RBFOX1: variants seen among roughly 807,000 people sequenced by gnomAD.
RBFOX1 encodes the protein RNA binding protein fox-1 homolog 1.
Under a neutral mutation model 57.7 loss-of-function variants are expected in RBFOX1, and 8 were observed. The ratio of observed to expected loss-of-function variants is 0.14; its 90% CI spans 0.08 to 0.25. RBFOX1 has a LOEUF of 0.25. Among genes scored for constraint, RBFOX1 ranks in the 10% least tolerant of loss-of-function variants. The pLI, the probability that RBFOX1 is intolerant of heterozygous loss-of-function variation, is 1.00. For missense variants in RBFOX1, 611 were observed against 548.5 expected (o/e 1.11, Z -1.14); for synonymous variants, 326 against 222.4 (o/e 1.47, Z -4.15).
intron 1 of RBFOX1, among the ~76,000 whole-genome samples, chr16:5,409,791 G>T (rs561058): frequency 0.93 from 141,301 of 152,258 alleles, 65,728 homozygotes; most frequent in East Asian, 1. Context: ...GGCTCACACC[G>T]GTAATCCCAG....
intron 1 of RBFOX1, among the ~76,000 whole-genome samples, chr16:6,158,417 C>T (rs952868531): frequency 2.6e-5 from 4 of 152,134 alleles, no homozygotes; most frequent in African/African-American, 9.7e-5. Context: ...CCAGTCTCGC[C>T]GTGCCTGTGA....
At chr16:6,562,880 C>CTTTCTTTTTTTTTTT (rs746999419) in intron 2 of RBFOX1, among the ~76,000 whole-genome samples, 3 of 51,778 alleles carry the variant, frequency 5.8e-5, no homozygotes, top group East Asian at 9.1e-4. Context: ...TTCTTTCTTT[C>CTTTCTTTTTTTTTTT]TTTTTTTTTT....
chr16:6,011,373 G>A (rs113824639), intron 4 of RBFOX1, among the ~76,000 whole-genome samples: 2,635 of 147,280 alleles, frequency 0.018, 80 homozygotes, highest in African/African-American at 0.062. Context: ...TTTACAGAGT[G>A]TTTTTTTTTT....
In RBFOX1 at chr16:7,634,561, A is replaced by T. The variant is rs529323278; in HGVS notation, c.757+3878A>T. Among the ~76,000 whole-genome samples the T allele has an allele frequency of 7.2e-5, 11 of 152,300 alleles. No individual in the cohort carries two copies. The South Asian group carries it at 2.3e-3, about 32-fold the overall frequency. On this transcript the variant is annotated intron_variant, in intron 11 of 15. Transcript: ENST00000550418. ...ATCTGCTTTTGATATGCATTTTTGC[A>T]TAACAGTGAGGTTTTCTCCCCCATT...
intron 3 of RBFOX1, among the ~76,000 whole-genome samples, chr16:5,852,793 G>A (rs539890551): frequency 1.3e-5 from 2 of 152,152 alleles, no homozygotes; most frequent in East Asian, 3.9e-4. Flanking sequence ...TTGTACCACT[G>A]CTCTCCAGCC....
chr16:5,649,761 A>C lies in RBFOX1; in HGVS notation c.318+50800A>C, dbSNP rs537852960. ...CACAAATTGAAGGCCATCATGTACA[A>C]CTCGCTGTTTTCACTCAACAACTGC... On this transcript the variant is annotated intron_variant, in intron 3 of 19. Coordinates refer to the RBFOX1 transcript ENST00000641259. 2.0e-5 allele frequency among the ~76,000 whole-genome samples: 3 copies of C among 152,256 alleles called. No homozygotes were observed. The South Asian group carries it at 6.2e-4, about 32-fold the overall frequency.
chr16:5,864,322 A>G (rs1329302607), intron 3 of RBFOX1, among the ~76,000 whole-genome samples: 2 of 152,192 alleles, frequency 1.3e-5, no homozygotes, highest in Non-Finnish European at 2.9e-5. Context: ...TTAAACGTAT[A>G]TTTAATTTTA....
intron 11 of RBFOX1, among the ~76,000 whole-genome samples, chr16:7,637,622 G>T (rs866969401): frequency 6.6e-6 from 1 of 152,116 alleles, no homozygotes; most frequent in Non-Finnish European, 1.5e-5. Context: ...CAGTGGGCTG[G>T]ACTCAGTTAC....
intron 4 of RBFOX1, among the ~76,000 whole-genome samples, chr16:7,219,008 GAGA>G (rs1463547442): frequency 3.3e-5 from 5 of 152,186 alleles, no homozygotes; most frequent in South Asian, 2.1e-4. Flanking sequence ...GTGGTCACAA[GAGA>G]AGAAGAGGTG....
At chr16:7,034,971 C>G (rs993706016) in intron 3 of RBFOX1, among the ~76,000 whole-genome samples, 4 of 150,040 alleles carry the variant, frequency 2.7e-5, no homozygotes, top group African/African-American at 4.9e-5. Context: ...TCCTCAGCCT[C>G]TGAGTAGCTG....
At chr16:7,244,437 T>A (rs2094206108) in intron 4 of RBFOX1, among the ~76,000 whole-genome samples, 1 of 152,204 alleles carries the variant, frequency 6.6e-6, no homozygotes, top group African/African-American at 2.4e-5. Context: ...TTGTCATTTC[T>A]TGTCATATTG....
intron 1 of RBFOX1, among the ~76,000 whole-genome samples, chr16:6,298,217 C>A (rs1352191591): frequency 6.6e-6 from 1 of 152,146 alleles, no homozygotes; most frequent in African/African-American, 2.4e-5. Flanking sequence ...TGAGCCACAC[C>A]CCTGTCTCAT....
intron 4 of RBFOX1, among the ~76,000 whole-genome samples, chr16:7,191,836 C>G (rs2085466674): frequency 2.0e-5 from 3 of 152,156 alleles, no homozygotes; most frequent in African/African-American, 2.4e-5. Context: ...GCGAAAGAGT[C>G]CGTTTGGTTT....
chr16:6,407,688 A>C (rs925158265), intron 2 of RBFOX1, among the ~76,000 whole-genome samples: 1 of 152,086 alleles, frequency 6.6e-6, no homozygotes, highest in Non-Finnish European at 1.5e-5. Flanking sequence ...ATTAAACAAA[A>C]ATATCTTGAA....
chr16:7,628,577 A>AGGT (rs1335188283), intron 10 of RBFOX1, among the ~76,000 whole-genome samples: 4 of 152,186 alleles, frequency 2.6e-5, no homozygotes, highest in African/African-American at 9.6e-5. Flanking sequence ...ACCTGAGGCG[A>AGGT]GGTTAAACCA....
intron 1 of RBFOX1, among the ~76,000 whole-genome samples, chr16:5,440,996 T>C (rs1215158200): frequency 6.6e-6 from 1 of 152,182 alleles, no homozygotes; most frequent in Non-Finnish European, 1.5e-5. Context: ...TATGTATACA[T>C]TTTAATGGAA....
chr16:5,529,692 G>A (rs955534790), intron 2 of RBFOX1, among the ~76,000 whole-genome samples: 2 of 151,532 alleles, frequency 1.3e-5, no homozygotes, highest in African/African-American at 2.4e-5. Flanking sequence ...TCACCATCCC[G>A]ATTAGCTGGG....
downstream of RBFOX1, chr16:5,601,431 T>A (rs2047360517): frequency 6.6e-6 from 1 of 152,342 alleles, no homozygotes; most frequent in Non-Finnish European, 1.5e-5. Flanking sequence ...AGTGAATTCC[T>A]GTGTATCCCT....
intron 3 of RBFOX1, among the ~76,000 whole-genome samples, chr16:5,765,113 C>G (rs1238658786): frequency 2.6e-5 from 4 of 152,136 alleles, no homozygotes; most frequent in Non-Finnish European, 5.9e-5. Context: ...AGCATCTCTT[C>G]TAATTATTGG....
Sources: allele counts gnomAD v4.1 joint callset (sites outside exome capture counted in the v4.1 genomes callset), GRCh38; gene constraint gnomAD v4.1.1; transcripts MANE v1.5; gene names NCBI Gene and HGNC (gene_info 2026-07-23, HGNC 2026-07-21).